The following IPO7 variants were observed in gnomAD, a reference collection of about 807,000 sequenced individuals.
IPO7 encodes importin-7.
Under a neutral mutation model 136.4 loss-of-function variants are expected in IPO7, and 13 were observed. The ratio of observed to expected loss-of-function variants is 0.10; its 90% CI spans 0.06 to 0.15. IPO7 has a LOEUF of 0.15. Ranked by LOEUF, IPO7 falls within the 10% of genes least tolerant of loss-of-function variation. The pLI is 1.00. For synonymous variants in IPO7, 403 were observed against 404.4 expected (o/e 1.00, Z 0.04); for missense variants, 857 against 1,240.6 (o/e 0.69, Z 4.65).
chr11:9,407,368 A>G (rs2133735433), intron 2 of IPO7, among the ~76,000 whole-genome samples: 1 of 152,342 alleles, frequency 6.6e-6, no homozygotes, highest in South Asian at 2.1e-4. Flanking sequence ...ATCCTGGCCA[A>G]CATGGTGAAA....
intron 15 of IPO7, 74 bp from the exon 16 acceptor site, chr11:9,430,801 A>T: frequency 7.9e-7 from 1 of 1,271,448 alleles, no homozygotes; most frequent in Non-Finnish European, 1.1e-6. Context: ...ACGTTCTAAG[A>T]ATTAAAAGTC....
chr11:9,407,353 A>G (rs2133735428), intron 2 of IPO7, among the ~76,000 whole-genome samples: 1 of 152,318 alleles, frequency 6.6e-6, no homozygotes, highest in South Asian at 2.1e-4. Flanking sequence ...CAGGAGAGCG[A>G]CACCATCCTG....
chr11:9,402,027 A>G (rs945266280), intron 1 of IPO7, among the ~76,000 whole-genome samples: 2 of 152,140 alleles, frequency 1.3e-5, no homozygotes, highest in African/African-American at 2.4e-5. Flanking sequence ...AAATGTTTCT[A>G]TGGAGAAATT....
At chr11:9,440,970 C>G (rs532837348) in intron 23 of IPO7, among the ~76,000 whole-genome samples, 1 of 152,334 alleles carries the variant, frequency 6.6e-6, no homozygotes, top group South Asian at 2.1e-4. Context: ...GAAGTAACCA[C>G]TCTTACGTGT....
At chr11:9,433,123 T>C (rs1424362864) in intron 16 of IPO7, 1 of 156,364 alleles carries the variant, frequency 6.4e-6, no homozygotes, top group African/African-American at 2.4e-5. Context: ...TAGCTGGGAT[T>C]ACAGGCACCC....
chr11:9,417,047 AC>A lies in IPO7; in HGVS notation c.637-11del. The A allele has an allele frequency of 7.8e-7, 1 of 1,278,210 alleles. No homozygotes were observed. Among genetic ancestry groups the A allele is most frequent in the Non-Finnish European group, 1.1e-6 (1 of 891,628 alleles). The allele number at this position is 1,278,210 out of a possible 1,614,324, so 79.2% of individuals were successfully genotyped here. On this transcript the variant is annotated splice_polypyrimidine_tract_variant and intron_variant, in intron 5 of 24. Coordinates refer to ENST00000379719, the MANE Select transcript of IPO7 (RefSeq NM_006391.3). ...AAGGATTTCGAAATATTAATTCTTGACTTTTATTTAGTATACACTACCACTG... is the reference window on the plus strand; with the variant it reads ...AAGGATTTCGAAATATTAATTCTTGATTTTATTTAGTATACACTACCACTG...
Position 9,384,942 on chromosome 11 carries a change from C to T in IPO7, c.84+95C>T, listed in dbSNP as rs560631661. 3.3e-5 allele frequency: 30 copies of T among 906,748 alleles called. No individual in the cohort carries two copies. The East Asian group carries it at 7.8e-4, about 24-fold the overall frequency. The allele number at this position is 906,748 out of a possible 1,614,324, so 56.2% of individuals were successfully genotyped here. ...GCCTGGCCGGAGGCGCGGACGACGT[C>T]GTTGAGGGTCCCAGCAGGAGGGTGG... On this transcript the variant is annotated intron_variant, in intron 1 of 24. Coordinates refer to ENST00000379719, the MANE Select transcript of IPO7 (RefSeq NM_006391.3).
chr11:9,403,090 A>G, intron 1 of IPO7, 200 bp from the exon 2 acceptor site: 1 of 591,904 alleles, frequency 1.7e-6, no homozygotes, highest in Non-Finnish European at 3.0e-6. Context: ...GCTAATGAAA[A>G]CATCCAAAAA....
chr11:9,437,402 C>T (rs544738193), intron 20 of IPO7, among the ~76,000 whole-genome samples: 4 of 145,830 alleles, frequency 2.7e-5, no homozygotes, highest in African/African-American at 9.8e-5. Context: ...CTACAGGCAC[C>T]CGCCACCACG....
chr11:9,436,705 G>T (rs1346959866), intron 20 of IPO7, among the ~76,000 whole-genome samples: 3 of 148,578 alleles, frequency 2.0e-5, no homozygotes, highest in Non-Finnish European at 4.5e-5. Context: ...TTTTTTGAGT[G>T]AGAGTCTTGC....
Position 9,406,104 on chromosome 11 carries a change from C to CTTTTTT in IPO7, c.167-2359_167-2354dup, listed in dbSNP as rs71062847. ...ATCTCACTATGTTGCTGAGGCTGGT[C>CTTTTTT]TTTTTTTTTTTTTTTTTTTTTTTTT... On this transcript the variant is annotated intron_variant, in intron 2 of 24. Coordinates refer to ENST00000379719, the MANE Select transcript of IPO7 (RefSeq NM_006391.3). Among the ~76,000 whole-genome samples the CTTTTTT allele has an allele frequency of 6.8e-4, 42 of 61,840 alleles. 6 individuals are homozygous for CTTTTTT. The highest frequency in any genetic ancestry group is 9.0e-4 in the Non-Finnish European group (35 of 38,802). The allele number at this position is 61,840 out of a possible 152,430, so 40.6% of individuals were successfully genotyped here. A position where few individuals can be genotyped will look rare whatever the true frequency, so the allele number is the denominator to read the frequency against.
Position 9,386,970 on chromosome 11 carries a change from T to C in IPO7, c.84+2123T>C, listed in dbSNP as rs1221499118. ...AAATTTTCTATTAGTATATTTACTTTCATTCCATTTTAATACACTACTTCT... is the reference window on the plus strand; with the variant it reads ...AAATTTTCTATTAGTATATTTACTTCCATTCCATTTTAATACACTACTTCT... On this transcript the variant is annotated intron_variant, in intron 1 of 24. Coordinates refer to ENST00000379719, the MANE Select transcript of IPO7 (RefSeq NM_006391.3). Among the ~76,000 whole-genome samples, 5 of 152,260 alleles carry C rather than the reference T, an allele frequency of 3.3e-5. No homozygotes were observed. In the East Asian group the frequency reaches 9.6e-4, roughly 29 times the overall value.
At chr11:9,397,993 G>C (rs1854739701) in intron 1 of IPO7, among the ~76,000 whole-genome samples, 1 of 152,200 alleles carries the variant, frequency 6.6e-6, no homozygotes, top group African/African-American at 2.4e-5. Context: ...CTATCTGATT[G>C]CAGCAGTTCT....
At chr11:9,422,948 G>A in intron 8 of IPO7, 58 bp from the exon 9 acceptor site, 2 of 1,118,668 alleles carry the variant, frequency 1.8e-6, no homozygotes, top group South Asian at 3.9e-5. Context: ...TTACTGGCTT[G>A]TAAGTGGTTG....
In IPO7 at chr11:9,440,472, G is replaced by A; in HGVS notation, c.2713G>A (p.Glu905Lys). 1 of 1,613,554 alleles carries A rather than the reference G, an allele frequency of 6.2e-7. No homozygotes were observed. The highest frequency in any genetic ancestry group is 8.5e-7 in the Non-Finnish European group (1 of 1,179,520). Residue 905 changes from glutamate to lysine, a missense_variant, in exon 23 of 25, where the codon GAA (glutamate) becomes AAA (lysine). Physicochemically the swap from Glu to Lys is moderately conservative, Grantham distance 56. This residue lies in a region of IPO7 where 119 missense variants were observed against 155.5 expected (regional missense o/e 0.77). Coordinates refer to ENST00000379719, the MANE Select transcript of IPO7 (RefSeq NM_006391.3). ...DDETEELGSDEDDIDEDGQEY... is the reference protein window; with the variant it reads ...DDETEELGSDKDDIDEDGQEY... The stretch of plus-strand genomic sequence containing the variant: ...CTTGGCAGAGGAACTGGGGAGTGAT[G>A]AAGATGATATTGATGAAGATGGGCA...
chr11:9,399,255 C>T (rs1447323654), intron 1 of IPO7, among the ~76,000 whole-genome samples: 2 of 151,680 alleles, frequency 1.3e-5, no homozygotes, highest in African/African-American at 2.4e-5. Context: ...CCTCTGTCTC[C>T]GGGTTCAAGC....
chr11:9,388,142 C>T (rs1314273220), intron 1 of IPO7, among the ~76,000 whole-genome samples: 10 of 151,276 alleles, frequency 6.6e-5, no homozygotes, highest in African/African-American at 2.2e-4. Context: ...AGCGAAACTG[C>T]GTCTCAAAAA....
rs1333012627 is a variant in IPO7 at position 9,440,624 on chromosome 11, T to A, written c.2865T>A (p.Pro955=). The change falls in exon 23 of 25, where the codon CCT becomes CCA. Residue 955 remains proline (P), a synonymous_variant. Transcript: ENST00000379719. ...YSTIIDDEDN[P]VDEYQIFKAI... is the part of the protein sequence containing the mutation. ...CAATCATTGATGATGAAGATAACCC[T>A]GTTGATGAGTATCAGATATTTAAAG... 6.2e-7 allele frequency: 1 copy of A among 1,613,538 alleles called. No individual in the cohort carries two copies. The highest frequency in any genetic ancestry group is 1.7e-5 in the Admixed American group (1 of 60,020).
At chr11:9,391,925 C>G (rs1373859935) in intron 1 of IPO7, among the ~76,000 whole-genome samples, 1 of 151,928 alleles carries the variant, frequency 6.6e-6, no homozygotes, top group Non-Finnish European at 1.5e-5. Flanking sequence ...CACCACCACA[C>G]CTGCCTAAGT....
Sources: gnomAD v4.1 joint callset for allele counts (sites outside exome capture counted in the v4.1 genomes callset) on GRCh38, gnomAD v4.1.1 for gene constraint, gnomAD v4.1.1 regional missense constraint, MANE v1.5 for transcripts, NCBI Gene and HGNC (gene_info 2026-07-23, HGNC 2026-07-21) for gene names.